Variants in NXPE4 observed in about 807,000 individuals in gnomAD.
NXPE4 encodes the protein NXPE family member 4.
A neutral mutation model predicts 33.3 loss-of-function variants in NXPE4; 42 were observed. That is an observed-to-expected ratio of 1.26 (90% confidence interval 0.98 to 1.63). The LOEUF (loss-of-function observed/expected upper bound fraction) is 1.63, where lower values mean the gene tolerates loss of function less well. Ranked by LOEUF, NXPE4 falls within the 40% of genes most tolerant of loss-of-function variation. NXPE4 has a pLI of 0.00. For synonymous variants in NXPE4, 253 were observed against 234.9 expected, an observed-to-expected ratio of 1.08 and a Z score of -0.71; for missense variants, 709 against 647.6, an observed-to-expected ratio of 1.09 and a Z score of -1.03.
the NXPE4 span, among the ~76,000 whole-genome samples, chr11:114,601,830 A>G: frequency 3.0e-4 from 22 of 73,110 alleles, no homozygotes; most frequent in South Asian, 6.0e-3. Flanking sequence ...TATAATATAT[A>G]ATTATATATA....
the NXPE4 span, among the ~76,000 whole-genome samples, chr11:114,621,037 C>T: frequency 2.0e-5 from 3 of 151,272 alleles, no homozygotes; most frequent in Non-Finnish European, 4.4e-5. Context: ...TTACGCAGTG[C>T]ACAATAAGTG....
At chr11:114,607,471 C>T in the NXPE4 span, among the ~76,000 whole-genome samples, 1 of 151,754 alleles carries the variant, frequency 6.6e-6, no homozygotes, top group African/African-American at 2.4e-5. Flanking sequence ...ATAAATATTG[C>T]CTCATGGGTG....
the NXPE4 span, among the ~76,000 whole-genome samples, chr11:114,632,918 T>C: frequency 4.2e-5 from 4 of 95,330 alleles, no homozygotes; most frequent in Admixed American, 1.7e-4. Flanking sequence ...TATTATATTT[T>C]ATATAATTAT....
At chr11:114,658,016 G>T in the NXPE4 span, among the ~76,000 whole-genome samples, 1 of 152,108 alleles carries the variant, frequency 6.6e-6, no homozygotes, top group South Asian at 2.1e-4. Context: ...TATATTTCCT[G>T]GTCTAAGGAC....
chr11:114,615,520 C>G, the NXPE4 span, among the ~76,000 whole-genome samples: 1 of 147,252 alleles, frequency 6.8e-6, no homozygotes, highest in African/African-American at 2.5e-5. Flanking sequence ...TGTTGCCTCA[C>G]AGGTAACCAC....
chr11:114,617,411 A>G, the NXPE4 span, among the ~76,000 whole-genome samples: 2 of 151,952 alleles, frequency 1.3e-5, no homozygotes, highest in Non-Finnish European at 2.9e-5. Context: ...CTCGTGGGTA[A>G]CCACTGTTAC....
chr11:114,636,755 C>T, the NXPE4 span, among the ~76,000 whole-genome samples: 6 of 152,142 alleles, frequency 3.9e-5, no homozygotes, highest in Non-Finnish European at 5.9e-5. Flanking sequence ...TGTTCAGTTT[C>T]CATGTAGTTG....
the NXPE4 span, among the ~76,000 whole-genome samples, chr11:114,630,440 T>A: frequency 6.6e-6 from 1 of 151,770 alleles, no homozygotes; most frequent in Non-Finnish European, 1.5e-5. Flanking sequence ...CCCTATTTAA[T>A]AAATGGTGCT....
At position 114,582,842 on chromosome 11, in the gene NXPE4, G is replaced by A. The variant is rs986494678; in HGVS notation, c.276C>T (p.Asn92=). The A allele has an allele frequency of 1.2e-6, 2 of 1,614,200 alleles. No homozygotes were observed. The highest frequency in any genetic ancestry group is 2.2e-5 in the South Asian group (2 of 91,084). The change falls in exon 3 of 6, where the codon AAC becomes AAT. Residue 92 remains asparagine, a synonymous_variant. Transcript: ENST00000375478. The stretch of plus-strand genomic sequence containing the variant: ...TGCTATGTGTGGCGCTGGTGGTGGT[G>A]TTCACGTGGGTGAAAGGTCTGGGTG... ...QIPPRPFTHV[N]TTTSATHSTA... is the part of the protein sequence containing the mutation.
chr11:114,629,516 T>G, the NXPE4 span, among the ~76,000 whole-genome samples: 2 of 151,600 alleles, frequency 1.3e-5, no homozygotes, highest in Admixed American at 6.6e-5. Context: ...TGATGGGACA[T>G]ATCTCAAAAT....
the NXPE4 span, among the ~76,000 whole-genome samples, chr11:114,622,137 G>A: frequency 2.0e-5 from 3 of 152,026 alleles, no homozygotes; most frequent in Admixed American, 6.6e-5. Flanking sequence ...AATAAATATT[G>A]CCTCATGGGT....
At chr11:114,645,482 C>A in the NXPE4 span, among the ~76,000 whole-genome samples, 18 of 151,914 alleles carry the variant, frequency 1.2e-4, no homozygotes, top group East Asian at 3.1e-3. Context: ...GAAAGACAAA[C>A]AAAAACCAAA....
chr11:114,603,118 C>T, the NXPE4 span, among the ~76,000 whole-genome samples: 2 of 151,630 alleles, frequency 1.3e-5, no homozygotes, highest in South Asian at 4.2e-4. Context: ...TAGGTAACTA[C>T]TATTATCTAG....
At chr11:114,602,850 CAT>C in the NXPE4 span, among the ~76,000 whole-genome samples, 5 of 146,642 alleles carry the variant, frequency 3.4e-5, no homozygotes, top group Non-Finnish European at 6.0e-5. Context: ...TACAGAATCA[CAT>C]ATAATTATCT....
At chr11:114,571,628 T>C (rs1948889466) in intron 5 of NXPE4, among the ~76,000 whole-genome samples, 155 bp from the exon 6 acceptor site, 1 of 152,226 alleles carries the variant, frequency 6.6e-6, no homozygotes, top group South Asian at 2.1e-4. Context: ...TTGAAAATTA[T>C]TTGAACAGTC....
chr11:114,601,173 T>A, the NXPE4 span, among the ~76,000 whole-genome samples: 1 of 151,484 alleles, frequency 6.6e-6, no homozygotes, highest in Non-Finnish European at 1.5e-5. Context: ...AACTCTGGAG[T>A]TTTAGTGTAC....
At chr11:114,622,800 T>C in the NXPE4 span, among the ~76,000 whole-genome samples, 3 of 152,104 alleles carry the variant, frequency 2.0e-5, no homozygotes, top group East Asian at 5.8e-4. Flanking sequence ...GGATAATTAG[T>C]ATTGCCTCAT....
At chr11:114,595,829 A>G (rs536345330), upstream of NXPE4, 1 of 152,474 alleles carries the variant, frequency 6.6e-6, no homozygotes, top group South Asian at 2.1e-4. Flanking sequence ...CCTGGATCAC[A>G]AACTGTAGTT....
the NXPE4 span, among the ~76,000 whole-genome samples, chr11:114,639,529 T>C: frequency 1.3e-5 from 2 of 151,108 alleles, no homozygotes; most frequent in Non-Finnish European, 2.9e-5. Flanking sequence ...GTACCTCAGG[T>C]GGAAATGCAG....
Sources: allele counts gnomAD v4.1 joint callset (sites outside exome capture counted in the v4.1 genomes callset), GRCh38; gene constraint gnomAD v4.1.1; transcripts MANE v1.5; gene names NCBI Gene and HGNC (gene_info 2026-07-23, HGNC 2026-07-21).